PRKDC: variants seen among roughly 807,000 people sequenced by gnomAD.
The protein encoded by PRKDC is protein kinase, DNA-activated, catalytic subunit.
Under a neutral mutation model 486.9 loss-of-function variants are expected in PRKDC, and 82 were observed. The observed-to-expected ratio is 0.17, with a 90% CI of 0.14 to 0.20. PRKDC has a LOEUF of 0.20. Among genes scored for constraint, PRKDC ranks in the 10% least tolerant of loss-of-function variants. The probability of loss-of-function intolerance (pLI) is 1.00; values close to 1 mark genes in which losing one functional copy is unlikely to be tolerated. For missense variants in PRKDC, 4,504 were observed against 5,038.2 expected, an observed-to-expected ratio of 0.89 and a Z score of 3.21; for synonymous variants, 1,895 against 1,837.0, an observed-to-expected ratio of 1.03 and a Z score of -0.81.
chr8:47,928,119 C>T (rs1167085184), intron 19 of PRKDC, among the ~76,000 whole-genome samples: 1 of 151,346 alleles, frequency 6.6e-6, no homozygotes, highest in African/African-American at 2.4e-5. Context: ...GAGTTGTCAT[C>T]ACTCAACTGA....
intron 1 of PRKDC, among the ~76,000 whole-genome samples, chr8:47,958,469 A>T (rs1249373361): frequency 2.6e-5 from 4 of 152,122 alleles, no homozygotes; most frequent in Non-Finnish European, 1.5e-5. Flanking sequence ...TTAAACCACT[A>T]AGCTTGTGGT....
At chr8:47,875,423 C>CA (rs1249903476) in intron 40 of PRKDC, among the ~76,000 whole-genome samples, 2 of 152,134 alleles carry the variant, frequency 1.3e-5, no homozygotes, top group Admixed American at 1.3e-4. Flanking sequence ...TTTTCTCCAC[C>CA]ATTTTTCTGT....
intron 25 of PRKDC, among the ~76,000 whole-genome samples, chr8:47,911,403 C>T (rs987147570): frequency 6.6e-6 from 1 of 152,214 alleles, no homozygotes; most frequent in Non-Finnish European, 1.5e-5. Flanking sequence ...TGTGAAACTA[C>T]TCCTAGTTTA....
chr8:47,936,558 A>G, intron 11 of PRKDC, 41 bp from the exon 12 acceptor site: 2 of 1,603,288 alleles, frequency 1.2e-6, no homozygotes, highest in Non-Finnish European at 8.5e-7. Context: ...CAATCTTATC[A>G]AGATCAAAAT....
chr8:47,912,523 T>C lies in PRKDC; in HGVS notation c.2821A>G (p.Met941Val), dbSNP rs531235991. The change falls in exon 25 of 86, where the codon ATG (methionine) becomes GTG (valine). Residue 941 changes from methionine to valine, a missense_variant. Met to Val is a conservative substitution (Grantham distance 21, BLOSUM62 1). Transcript: ENST00000314191. Reference protein sequence around the residue: ...CELLHSMVMFMLGKATQMPEG... With the variant: ...CELLHSMVMFVLGKATQMPEG... ...GGCATCTGCGTGGCTTTGCCCAACATAAACATAACCATGCTATGTAAAAGT... is the reference window on the plus strand; with the variant it reads ...GGCATCTGCGTGGCTTTGCCCAACACAAACATAACCATGCTATGTAAAAGT... 1.2e-6 allele frequency: 2 copies of C among 1,612,670 alleles called. No homozygotes were observed. Among genetic ancestry groups the C allele is most frequent in the Non-Finnish European group, 1.7e-6 (2 of 1,179,200 alleles).
At chr8:47,780,169 C>T (rs2154497424) in intron 80 of PRKDC, among the ~76,000 whole-genome samples, 1 of 152,304 alleles carries the variant, frequency 6.6e-6, no homozygotes, top group Middle Eastern at 3.4e-3. Context: ...CCCACCTTGG[C>T]CTCCCAAAGT....
intron 68 of PRKDC, among the ~76,000 whole-genome samples, chr8:47,810,428 A>G (rs1406600821): frequency 6.6e-6 from 1 of 152,266 alleles, no homozygotes; most frequent in Non-Finnish European, 1.5e-5. Flanking sequence ...ATGTATAGGT[A>G]AAAACAGTAT....
rs1178496311 is a variant in PRKDC at position 47,783,729 on chromosome 8, C to A, written c.11175+13G>T. 3 of 1,613,866 alleles carry A rather than the reference C, an allele frequency of 1.9e-6. No individual in the cohort carries two copies. Among genetic ancestry groups the A allele is most frequent in the Admixed American group, 3.3e-5 (2 of 60,016 alleles). On this transcript the variant is annotated intron_variant, in intron 78 of 85. Transcript: ENST00000314191. ...ATCAGGACAGGGACTGGGTCACACA[C>A]CCTCACACCTACCCGCTCATCAAAC...
At chr8:47,835,721 C>T (rs559133201) in intron 58 of PRKDC, among the ~76,000 whole-genome samples, 19 of 148,462 alleles carry the variant, frequency 1.3e-4, no homozygotes, top group African/African-American at 3.5e-4. Flanking sequence ...AGGACATTTA[C>T]GCTGCTGTAC....
intron 76 of PRKDC, among the ~76,000 whole-genome samples, chr8:47,786,254 TA>T (rs1383355793): frequency 1.3e-5 from 2 of 150,406 alleles, no homozygotes; most frequent in African/African-American, 2.4e-5. Flanking sequence ...CTACTAAAAA[TA>T]AAAAAAATTA....
chr8:47,832,305 G>A (rs753685985), intron 59 of PRKDC, among the ~76,000 whole-genome samples: 1 of 152,196 alleles, frequency 6.6e-6, no homozygotes, highest in South Asian at 2.1e-4. Flanking sequence ...AGGGACAGGT[G>A]ACCGCAACAC....
chr8:47,865,063 C>T (rs1308571162), intron 40 of PRKDC, among the ~76,000 whole-genome samples: 1 of 152,196 alleles, frequency 6.6e-6, no homozygotes, highest in Non-Finnish European at 1.5e-5. Context: ...GAATCTCAAG[C>T]CTAAAAAATA....
rs890013508 is a variant in PRKDC at position 47,779,089 on chromosome 8, G to A, written c.11494C>T (p.Pro3832Ser). 16 of 1,585,298 alleles carry A rather than the reference G, an allele frequency of 1.0e-5. No individual in the cohort carries two copies. Among genetic ancestry groups the A allele is most frequent in the Non-Finnish European group, 1.4e-5 (16 of 1,164,332 alleles). The change falls in exon 81 of 86, where the codon CCC becomes TCC. Residue 3832 changes from proline (P) to serine (S), a missense_variant. By Grantham distance (74) the Pro-to-Ser change is moderately conservative. Transcript: ENST00000314191. The part of the protein sequence containing the change: ...QEEKAAYLSD[P>S]RAPPCEYKDW... ...TTATATTCACACGGCGGTGCCCTGGGATCACTAATGAGTGAGAAAAGGGGA... is the reference window on the plus strand; with the variant it reads ...TTATATTCACACGGCGGTGCCCTGGAATCACTAATGAGTGAGAAAAGGGGA...
At position 47,953,840 on chromosome 8, in the gene PRKDC, C is replaced by T; in HGVS notation, c.588G>A (p.Leu196=). The change falls in exon 6 of 86, where the codon CTG becomes CTA. Residue 196 remains leucine (L), a synonymous_variant. Coordinates refer to ENST00000314191, the MANE Select transcript of PRKDC (RefSeq NM_006904.7). ...PSEMINNAEN[L]FRAFLGELKT... is the part of the protein sequence containing the mutation. The stretch of plus-strand genomic sequence containing the variant: ...TAAGTTCACCCAGAAAAGCGCGGAA[C>T]AGGTTTTCTGCATTATTTATCATCT... 1 of 1,571,598 alleles carries T rather than the reference C, an allele frequency of 6.4e-7. No homozygotes were observed. The highest frequency in any genetic ancestry group is 8.6e-7 in the Non-Finnish European group (1 of 1,156,210).
chr8:47,818,134 G>GA (rs1431097886), intron 67 of PRKDC, among the ~76,000 whole-genome samples: 1 of 152,046 alleles, frequency 6.6e-6, no homozygotes, highest in Non-Finnish European at 1.5e-5. Context: ...TTCTGTTGGG[G>GA]GAAAACAGCA....
At chr8:47,916,036 C>T (rs1726809058) in intron 22 of PRKDC, among the ~76,000 whole-genome samples, 1 of 152,188 alleles carries the variant, frequency 6.6e-6, no homozygotes, top group Admixed American at 6.5e-5. Context: ...TTGGAAACAT[C>T]ATGTATTCCT....
chr8:47,956,199 T>C (rs2154504685), intron 3 of PRKDC, among the ~76,000 whole-genome samples: 1 of 151,784 alleles, frequency 6.6e-6, no homozygotes, highest in South Asian at 2.1e-4. Flanking sequence ...CTATCTCTAC[T>C]AAAAATATAA....
intron 50 of PRKDC, among the ~76,000 whole-genome samples, 162 bp from the exon 51 acceptor site, chr8:47,854,376 C>T (rs968579405): frequency 3.9e-5 from 6 of 152,092 alleles, no homozygotes; most frequent in Middle Eastern, 3.2e-3. Context: ...CTCGCTTTGT[C>T]GCCCAGGCTG....
At chr8:47,919,901 T>C (rs1385848529) in intron 21 of PRKDC, among the ~76,000 whole-genome samples, 1 of 152,182 alleles carries the variant, frequency 6.6e-6, no homozygotes, top group African/African-American at 2.4e-5. Flanking sequence ...GGCCATGATG[T>C]CCACACTGAA....
Sources: gnomAD v4.1 joint callset for allele counts (sites outside exome capture counted in the v4.1 genomes callset) on GRCh38, gnomAD v4.1.1 for gene constraint, MANE v1.5 for transcripts, NCBI Gene and HGNC (gene_info 2026-07-23, HGNC 2026-07-21) for gene names.